The following IDH1 variants were observed in gnomAD, a reference collection of about 807,000 sequenced individuals.
IDH1 encodes isocitrate dehydrogenase [NADP] cytoplasmic.
Under a neutral mutation model 46.1 loss-of-function variants are expected in IDH1, and 33 were observed. The ratio of observed to expected loss-of-function variants is 0.72; its 90% CI spans 0.54 to 0.96. IDH1 has a LOEUF of 0.96. Ranked by LOEUF, IDH1 falls within the 40% of genes least tolerant of loss-of-function variation. IDH1 has a pLI of 0.00. For missense variants in IDH1, 421 were observed against 515.7 expected (o/e 0.82, Z 1.78); for synonymous variants, 144 against 172.8 (o/e 0.83, Z 1.31).
chr2:208,246,443 A>G (rs1688023805), intron 4 of IDH1, among the ~76,000 whole-genome samples: 1 of 152,182 alleles, frequency 6.6e-6, no homozygotes, highest in Non-Finnish European at 1.5e-5. Flanking sequence ...TAAAATCCAT[A>G]AAGTAAATAT....
At position 208,243,687 on chromosome 2, in the gene IDH1, C is replaced by T. The variant is rs1013464806; in HGVS notation, c.521-83G>A. On this transcript the variant is annotated intron_variant, in intron 5 of 9. Coordinates refer to ENST00000345146, the MANE Select transcript of IDH1 (RefSeq NM_005896.4). Reference sequence around the variant, plus strand: ...GTAATAAGGCTAAAATCACCCACCACAACCAAATGACCTACTTCTCAGCTC... The same window carrying T: ...GTAATAAGGCTAAAATCACCCACCATAACCAAATGACCTACTTCTCAGCTC... 17 of 1,082,390 alleles carry T rather than the reference C, an allele frequency of 1.6e-5. No homozygotes were observed. In the African/African-American group the frequency reaches 2.2e-4, roughly 14 times the overall value. 67.0% of individuals were successfully genotyped at this position (1,082,390 alleles called of 1,614,324 possible).
intron 8 of IDH1, 26 bp from the exon 9 acceptor site, chr2:208,239,259 C>T: frequency 1.2e-6 from 2 of 1,611,850 alleles, no homozygotes; most frequent in Non-Finnish European, 1.7e-6. Flanking sequence ...AAAAACACAA[C>T]ACTCCAATCA....
chr2:208,237,760 A>C (rs1183716825), intron 9 of IDH1, among the ~76,000 whole-genome samples: 1 of 130,170 alleles, frequency 7.7e-6, no homozygotes, highest in Non-Finnish European at 1.6e-5. Flanking sequence ...CTCTACTAAA[A>C]ATACAAAAAA....
intron 4 of IDH1, among the ~76,000 whole-genome samples, chr2:208,245,775 T>G: frequency 9.8e-6 from 1 of 102,444 alleles, no homozygotes; most frequent in African/African-American, 3.7e-5. Context: ...AAAGAGGGTA[T>G]TAGACCCCCC....
At chr2:208,240,043 T>A in intron 7 of IDH1, 40 bp from the exon 8 acceptor site, 1 of 1,609,328 alleles carries the variant, frequency 6.2e-7, no homozygotes, top group South Asian at 1.1e-5. Flanking sequence ...TCCAACTGCA[T>A]GAAGAGCACT....
chr2:208,248,495 A>G lies in IDH1; in HGVS notation c.288T>C (p.Asn96=). The change falls in exon 4 of 10, where the codon AAT becomes AAC. Residue 96 remains asparagine (N), a synonymous_variant. Coordinates refer to ENST00000345146, the MANE Select transcript of IDH1 (RefSeq NM_005896.4). ...CACCCAGAATATTTCGTATGGTGCC[A>G]TTTGGTGATTTCCACATTTGTTTCA... ...FKLKQMWKSP[N]GTIRNILGGT... is the part of the protein sequence containing the mutation. 1.2e-6 allele frequency: 2 copies of G among 1,614,108 alleles called. No individual in the cohort carries two copies. The highest frequency in any genetic ancestry group is 1.7e-6 in the Non-Finnish European group (2 of 1,180,028).
rs1687997660 is a variant in IDH1 at position 208,245,419 on chromosome 2, T to C, written c.420A>G (p.Arg140=). ...IGRHAYGDQY[R]ATDFVVPGPG... ...GCCCAGGAACAACAAAATCAGTTGC[T>C]CTGTACTGTGTAGAGGGGAAAAAGG... Residue 140 remains arginine (R), a synonymous_variant, in exon 5 of 10, where the codon AGA becomes AGG. Coordinates refer to ENST00000345146, the MANE Select transcript of IDH1 (RefSeq NM_005896.4). The C allele has an allele frequency of 6.3e-7, 1 of 1,595,758 alleles. No individual in the cohort carries two copies. Among genetic ancestry groups the C allele is most frequent in the Middle Eastern group, 1.7e-4 (1 of 5,952 alleles).
At position 208,248,425 on chromosome 2, in the gene IDH1, G is replaced by C. The variant is rs1412157898; in HGVS notation, c.358C>G (p.Leu120Val). The change falls in exon 4 of 10, where the codon CTT becomes GTT. Residue 120 changes from leucine to valine, a missense_variant. By Grantham distance (32) the Leu-to-Val change is conservative. Coordinates refer to ENST00000345146, the MANE Select transcript of IDH1 (RefSeq NM_005896.4). Reference protein sequence around the residue: ...EAIICKNIPRLVSGWVKPIII... With the variant: ...EAIICKNIPRVVSGWVKPIII... ...ATAGGTTTTACCCATCCACTCACAA[G>C]CCGGGGGATATTTTTGCAGATAATG... 2 of 1,614,086 alleles carry C rather than the reference G, an allele frequency of 1.2e-6. No individual in the cohort carries two copies. The highest frequency in any genetic ancestry group is 1.7e-6 in the Non-Finnish European group (2 of 1,179,980).
At chr2:208,239,363 G>A (rs930344289) in intron 8 of IDH1, 130 bp from the exon 9 acceptor site, 12 of 875,658 alleles carry the variant, frequency 1.4e-5, no homozygotes, top group Non-Finnish European at 2.0e-5. Flanking sequence ...CTAACCACAT[G>A]GGCTAGAAGT....
chr2:208,251,461 T>C lies in IDH1; in HGVS notation c.91A>G (p.Ile31Val), dbSNP rs1244968146. The C allele has an allele frequency of 1.2e-6, 2 of 1,613,786 alleles. No homozygotes were observed. Among genetic ancestry groups the C allele is most frequent in the Admixed American group, 1.7e-5 (1 of 60,012 alleles). Residue 31 changes from isoleucine to valine, a missense_variant, in exon 3 of 10, where the codon ATT becomes GTT. Transcript: ENST00000345146. ...AGATCCAATTCCACGTAGGGAAAAATGAGTTTCTCTTTAATCAATTCCCAA... is the reference window on the plus strand; with the variant it reads ...AGATCCAATTCCACGTAGGGAAAAACGAGTTTCTCTTTAATCAATTCCCAA... Reference protein sequence around the residue: ...IIWELIKEKLIFPYVELDLHS... With the variant: ...IIWELIKEKLVFPYVELDLHS...
At position 208,237,054 on chromosome 2, in the gene IDH1, T is replaced by C. The variant is rs781009655; in HGVS notation, c.*25A>G. On this transcript the variant is annotated 3_prime_UTR_variant, in exon 10 of 10. Transcript: ENST00000345146. ...GTAGACCTAGTTACCAAAAGACAAT[T>C]ATCCTTCTTAGCTCAGGTATGAACT... The C allele has an allele frequency of 1.7e-5, 23 of 1,335,924 alleles. No homozygotes were observed. Among genetic ancestry groups the C allele is most frequent in the African/African-American group, 2.9e-5 (2 of 69,208 alleles). 82.8% of individuals were successfully genotyped at this position (1,335,924 alleles called of 1,614,324 possible).
At chr2:208,252,805 C>T (rs914925155) in intron 2 of IDH1, among the ~76,000 whole-genome samples, 12 of 152,222 alleles carry the variant, frequency 7.9e-5, no homozygotes, top group Non-Finnish European at 1.2e-4. Flanking sequence ...CCCATTTTCA[C>T]TTCCCAAATT....
chr2:208,243,628 G>C (rs1337995115), intron 5 of IDH1, 24 bp from the exon 6 acceptor site: 1 of 1,578,044 alleles, frequency 6.3e-7, no homozygotes, highest in Non-Finnish European at 8.7e-7. Flanking sequence ...GCCAGTGAGA[G>C]GAAAAAAGGG....
chr2:208,251,853 T>TA (rs978127229), intron 2 of IDH1, among the ~76,000 whole-genome samples: 156 of 148,620 alleles, frequency 1.0e-3, no homozygotes, highest in Middle Eastern at 3.5e-3. Context: ...TTTACTTTGT[T>TA]AAAAAAAAAA....
At chr2:208,243,375 A>T in intron 6 of IDH1, 52 bp downstream of exon 6, 3 of 1,338,628 alleles carry the variant, frequency 2.2e-6, no homozygotes, top group Non-Finnish European at 3.2e-6. Context: ...TCTATATGCA[A>T]ATGTCAGCTT....
intron 3 of IDH1, among the ~76,000 whole-genome samples, chr2:208,249,689 C>G (rs897023401): frequency 6.6e-6 from 1 of 152,212 alleles, no homozygotes; most frequent in African/African-American, 2.4e-5. Flanking sequence ...CCCTTATCTT[C>G]CTTTCTTAGA....
rs375358749 is a variant in IDH1, at chr2:208,243,419, A to G, written c.698+8T>C. The G allele has an allele frequency of 1.4e-5, 23 of 1,599,074 alleles. No homozygotes were observed. Among genetic ancestry groups the G allele is most frequent in the Non-Finnish European group, 2.0e-5 (23 of 1,166,810 alleles). ...ATAAAGAAAAAGTTAAAAAAGAACT[A>G]TAGTTACTTGTCATATATCTCCTGA... On this transcript the variant is annotated splice_region_variant and intron_variant, in intron 6 of 9. Transcript: ENST00000345146.
chr2:208,251,699 AG>A, intron 2 of IDH1, 132 bp from the exon 3 acceptor site: 1 of 698,216 alleles, frequency 1.4e-6, no homozygotes, highest in Non-Finnish European at 2.4e-6. Context: ...ATTTATGTGT[AG>A]TTGAATAAAA....
chr2:208,248,514 T>C lies in IDH1; in HGVS notation c.269A>G (p.Gln90Arg), dbSNP rs1688064924. The change falls in exon 4 of 10, where the codon CAA becomes CGA. Residue 90 changes from glutamine to arginine, a missense_variant. Gln to Arg is a conservative substitution (Grantham distance 43). Coordinates refer to ENST00000345146, the MANE Select transcript of IDH1 (RefSeq NM_005896.4). ...GGTGCCATTTGGTGATTTCCACATT[T>C]GTTTCAACTTGAACTCCTCAACCCT... Reference protein sequence around the residue: ...EKRVEEFKLKQMWKSPNGTIR... With the variant: ...EKRVEEFKLKRMWKSPNGTIR... 1 of 1,614,096 alleles carries C rather than the reference T, an allele frequency of 6.2e-7. No individual in the cohort carries two copies. Among genetic ancestry groups the C allele is most frequent in the South Asian group, 1.1e-5 (1 of 91,088 alleles).
Sources: gnomAD v4.1 joint callset for allele counts (sites outside exome capture counted in the v4.1 genomes callset) on GRCh38, gnomAD v4.1.1 for gene constraint, MANE v1.5 for transcripts, NCBI Gene and HGNC (gene_info 2026-07-23, HGNC 2026-07-21) for gene names.